Variants in MCC observed in about 807,000 individuals in gnomAD.
MCC encodes MCC regulator of Wnt signaling pathway, also known as colorectal mutant cancer protein.
In MCC, 90 loss-of-function variants were observed where a neutral mutation model predicts 116.2. The ratio of observed to expected loss-of-function variants is 0.77; its 90% confidence interval spans 0.65 to 0.92. The LOEUF is 0.92. Among genes scored for constraint, MCC ranks in the 40% least tolerant of loss-of-function variants. The pLI, the probability that MCC is intolerant of heterozygous loss-of-function variation, is 0.00. For synonymous variants in MCC, 578 were observed against 510.5 expected (o/e 1.13, Z -1.78); for missense variants, 1,516 against 1,312.2 (o/e 1.16, Z -2.40).
chr5:113,190,507 A>T (rs1459767926), intron 3 of MCC, among the ~76,000 whole-genome samples: 3 of 152,066 alleles, frequency 2.0e-5, no homozygotes. Context: ...CTCCAGATTA[A>T]AACAAAGAAA....
intron 3 of MCC, among the ~76,000 whole-genome samples, chr5:113,324,528 T>C (rs1299682230): frequency 2.0e-5 from 3 of 152,156 alleles, no homozygotes; most frequent in Non-Finnish European, 1.5e-5. Context: ...ATATGTAAAA[T>C]ATACTGGCTA....
At chr5:113,424,728 A>T (rs554322311) in intron 1 of MCC, among the ~76,000 whole-genome samples, 11 of 152,274 alleles carry the variant, frequency 7.2e-5, no homozygotes, top group East Asian at 3.9e-4. Context: ...AATTTTTTTT[A>T]AATTAAAAAA....
At chr5:113,343,577 C>G (rs1406256312) in intron 2 of MCC, among the ~76,000 whole-genome samples, 3 of 152,184 alleles carry the variant, frequency 2.0e-5, no homozygotes, top group African/African-American at 7.2e-5. Context: ...CACAGACGGA[C>G]TTATATCTCA....
chr5:113,453,222 T>C (rs1771449838), intron 1 of MCC, among the ~76,000 whole-genome samples: 1 of 152,120 alleles, frequency 6.6e-6, no homozygotes, highest in African/African-American at 2.4e-5. Flanking sequence ...CTTTTAGGTC[T>C]GAAACTCCTC....
At chr5:113,444,527 T>G (rs573157996) in intron 1 of MCC, among the ~76,000 whole-genome samples, 145 of 152,342 alleles carry the variant, frequency 9.5e-4, no homozygotes, top group Non-Finnish European at 1.8e-3. Flanking sequence ...TCCACATGTC[T>G]AATCTTGTTT....
At chr5:113,391,680 C>T (rs940161603) in intron 1 of MCC, among the ~76,000 whole-genome samples, 5 of 151,866 alleles carry the variant, frequency 3.3e-5, no homozygotes, top group Non-Finnish European at 7.4e-5. Context: ...GATTGTACTA[C>T]TGCACTCCAG....
chr5:113,033,486 G>C (rs9326872), intron 17 of MCC, among the ~76,000 whole-genome samples: 4 of 152,094 alleles, frequency 2.6e-5, no homozygotes, highest in African/African-American at 9.7e-5. Context: ...AACCATTCTT[G>C]TTCCTTTCTC....
intron 3 of MCC, among the ~76,000 whole-genome samples, chr5:113,203,624 G>A (rs1022850420): frequency 6.6e-6 from 1 of 152,106 alleles, no homozygotes; most frequent in African/African-American, 2.4e-5. Flanking sequence ...AAAGTTTGTG[G>A]CTTTAACAAA....
chr5:113,443,111 T>C (rs577733445), intron 1 of MCC, among the ~76,000 whole-genome samples: 11 of 152,344 alleles, frequency 7.2e-5, no homozygotes, highest in African/African-American at 2.6e-4. Context: ...TTTCACGATA[T>C]TGATTCTTCC....
chr5:113,376,241 T>C lies in MCC; in HGVS notation c.415+8727A>G, dbSNP rs1243304991. 3.3e-5 allele frequency among the ~76,000 whole-genome samples: 5 copies of C among 152,280 alleles called. No individual in the cohort carries two copies. The South Asian group carries it at 8.3e-4, about 25-fold the overall frequency. On this transcript the variant is annotated intron_variant, in intron 2 of 18. Coordinates refer to ENST00000408903, the MANE Select transcript of MCC (RefSeq NM_001085377.2). The stretch of plus-strand genomic sequence containing the variant: ...TCATGCTTTGAAGACTGACAATAAA[T>C]TGAAAATAGTTGTTGTCCATGGGAT...
At chr5:113,332,452 A>C (rs780253472) in intron 3 of MCC, among the ~76,000 whole-genome samples, 1 of 151,144 alleles carries the variant, frequency 6.6e-6, no homozygotes, top group Non-Finnish European at 1.5e-5. Context: ...ACTTACGCCT[A>C]TAATCCCAGC....
At position 113,028,923 on chromosome 5, in the gene MCC, G is replaced by C; in HGVS notation, c.2879+11C>G. 2 of 1,612,816 alleles carry C rather than the reference G, an allele frequency of 1.2e-6. No individual in the cohort carries two copies. Among genetic ancestry groups the C allele is most frequent in the Non-Finnish European group, 1.7e-6 (2 of 1,179,318 alleles). ...GAGGGCGGTGGGGGCTGGGTATAGG[G>C]AGATTTTTACCTGTTGGCCCGCTTT... On this transcript the variant is annotated intron_variant, in intron 18 of 18. Coordinates refer to ENST00000408903, the MANE Select transcript of MCC (RefSeq NM_001085377.2).
intron 1 of MCC, among the ~76,000 whole-genome samples, chr5:113,385,850 C>A (rs1419113822): frequency 3.9e-5 from 6 of 152,110 alleles, no homozygotes; most frequent in Non-Finnish European, 7.3e-5. Flanking sequence ...TCTTCCAGGA[C>A]TAGATTTAAT....
At chr5:113,173,588 T>G (rs968171260) in intron 3 of MCC, among the ~76,000 whole-genome samples, 1 of 152,222 alleles carries the variant, frequency 6.6e-6, no homozygotes, top group Non-Finnish European at 1.5e-5. Context: ...CCCCAATCAG[T>G]GTAATCATGT....
intron 1 of MCC, among the ~76,000 whole-genome samples, chr5:113,420,596 C>T (rs568807753): frequency 7.9e-5 from 12 of 152,334 alleles, no homozygotes; most frequent in Non-Finnish European, 1.5e-4. Flanking sequence ...TAAGAATCCA[C>T]GTGACAGCAG....
chr5:113,187,164 T>C (rs1271904802), intron 3 of MCC, among the ~76,000 whole-genome samples: 1 of 152,188 alleles, frequency 6.6e-6, no homozygotes, highest in Non-Finnish European at 1.5e-5. Context: ...CCATCACTAC[T>C]AGCAGTTTTT....
At chr5:113,094,574 C>T (rs537743265) in intron 8 of MCC, among the ~76,000 whole-genome samples, 1 of 152,180 alleles carries the variant, frequency 6.6e-6, no homozygotes, top group Admixed American at 6.5e-5. Context: ...GCGCCCACCA[C>T]CACGCCTGGC....
chr5:113,184,946 T>C (rs922669242), intron 3 of MCC, among the ~76,000 whole-genome samples: 10 of 152,190 alleles, frequency 6.6e-5, no homozygotes, highest in Non-Finnish European at 8.8e-5. Context: ...GAGAGTAACT[T>C]TGTATTTGTC....
At chr5:113,111,171 G>T (rs1217146596) in intron 6 of MCC, among the ~76,000 whole-genome samples, 1 of 152,180 alleles carries the variant, frequency 6.6e-6, no homozygotes, top group South Asian at 2.1e-4. Flanking sequence ...CATATGGCAG[G>T]TCCTCAAATA....
Sources: gnomAD v4.1 joint callset for allele counts (sites outside exome capture counted in the v4.1 genomes callset) on GRCh38, gnomAD v4.1.1 for gene constraint, MANE v1.5 for transcripts, NCBI Gene and HGNC (gene_info 2026-07-23, HGNC 2026-07-21) for gene names.